Variants in ZNF560 observed in about 807,000 individuals in gnomAD.
ZNF560 encodes zinc finger protein 560.
In ZNF560, 54 loss-of-function variants were observed where a neutral mutation model predicts 81.8. The ratio of observed to expected loss-of-function variants is 0.66; its 90% CI spans 0.53 to 0.83. The LOEUF is 0.83. Among genes scored for constraint, ZNF560 ranks in the 40% least tolerant of loss-of-function variants. ZNF560 has a pLI of 0.00. For synonymous variants in ZNF560, 321 were observed against 317.9 expected (o/e 1.01, Z -0.10); for missense variants, 940 against 932.4 (o/e 1.01, Z -0.11).
downstream of ZNF560, among the ~76,000 whole-genome samples, chr19:9,466,076 T>G (rs1599644702): frequency 2.6e-5 from 4 of 152,250 alleles, no homozygotes; most frequent in South Asian, 8.3e-4. Context: ...CCAGGTGCAG[T>G]GGCACACACC....
At chr19:9,483,117 G>A (rs1261655982) in intron 2 of ZNF560, among the ~76,000 whole-genome samples, 5 of 151,856 alleles carry the variant, frequency 3.3e-5, no homozygotes, top group South Asian at 4.2e-4. Flanking sequence ...TCTCTGCCTG[G>A]CCACCCATCG....
chr19:9,450,047 C>T, the ZNF560 span, among the ~76,000 whole-genome samples: 1 of 149,632 alleles, frequency 6.7e-6, no homozygotes, highest in East Asian at 2.0e-4. Context: ...AATCCCAGCA[C>T]TTTGGGACAC....
intron 8 of ZNF560, among the ~76,000 whole-genome samples, 159 bp downstream of exon 8, chr19:9,469,471 A>G (rs2073088519): frequency 6.6e-6 from 1 of 152,262 alleles, no homozygotes; most frequent in African/African-American, 2.4e-5. Flanking sequence ...AAGTCTGGAT[A>G]GATGCAAAGC....
At chr19:9,448,874 G>A in the ZNF560 span, among the ~76,000 whole-genome samples, 3 of 152,068 alleles carry the variant, frequency 2.0e-5, no homozygotes, top group Admixed American at 6.6e-5. Context: ...AAAAGAGCAC[G>A]GATCATTATT....
At chr19:9,465,129 A>ATTTTTTTTTTT (rs887659069), downstream of ZNF560, among the ~76,000 whole-genome samples, 1 of 129,526 alleles carries the variant, frequency 7.7e-6, no homozygotes. Context: ...AAAGCTATTG[A>ATTTTTTTTTTT]TTTTTTTTTT....
At chr19:9,448,149 A>T in the ZNF560 span, among the ~76,000 whole-genome samples, 1 of 152,184 alleles carries the variant, frequency 6.6e-6, no homozygotes, top group African/African-American at 2.4e-5. Context: ...TCTAGAGACA[A>T]GCAATCACTA....
upstream of ZNF560, among the ~76,000 whole-genome samples, chr19:9,499,853 C>A (rs2073617058): frequency 6.6e-6 from 1 of 152,130 alleles, no homozygotes; most frequent in African/African-American, 2.4e-5. Context: ...AAAGGGATCA[C>A]ATTCTCAGTT....
At chr19:9,448,396 T>C in the ZNF560 span, among the ~76,000 whole-genome samples, 1 of 18,566 alleles carries the variant, frequency 5.4e-5, no homozygotes, top group Admixed American at 4.3e-4. Flanking sequence ...CATGCCTGGC[T>C]TTTTTTTTTT....
chr19:9,486,502 G>A (rs1351789069), intron 2 of ZNF560, among the ~76,000 whole-genome samples: 1 of 152,186 alleles, frequency 6.6e-6, no homozygotes, highest in Non-Finnish European at 1.5e-5. Flanking sequence ...CACTTTTGGA[G>A]GCTGAGGCAG....
intron 2 of ZNF560, among the ~76,000 whole-genome samples, chr19:9,477,182 C>CAT (rs1342588410): frequency 1.3e-5 from 2 of 152,040 alleles, no homozygotes; most frequent in Admixed American, 6.6e-5. Context: ...TTAGACATTA[C>CAT]ATATATATAC....
chr19:9,473,350 G>A (rs777145053), intron 4 of ZNF560, 91 bp from the exon 5 acceptor site: 26 of 904,562 alleles, frequency 2.9e-5, no homozygotes, highest in Non-Finnish European at 4.0e-5. Context: ...GGAGGCTGAA[G>A]TGGGTGGATT....
intron 2 of ZNF560, among the ~76,000 whole-genome samples, chr19:9,479,915 C>T (rs1398451845): frequency 6.6e-6 from 1 of 152,028 alleles, no homozygotes; most frequent in East Asian, 1.9e-4. Context: ...AAACAAATCC[C>T]CCACAGATTC....
rs2073054321 is a variant in ZNF560, at chr19:9,467,848, T to C, written c.1099A>G (p.Met367Val). The C allele has an allele frequency of 3.1e-6, 5 of 1,614,084 alleles. No homozygotes were observed. The highest frequency in any genetic ancestry group is 1.7e-5 in the Admixed American group (1 of 60,006). The change falls in exon 10 of 10, where the codon ATG becomes GTG. Residue 367 changes from methionine to valine, a missense_variant. By Grantham distance (21) the Met-to-Val change is conservative (BLOSUM62 1). Transcript: ENST00000301480. ...GGTTTTATCCCAATGTGGGTTTGCA[T>C]GTGATTATTAAGGTGGGTAGGGTAT... ...FRYPTHLNNHMQTHIGIKPYK... is the reference protein window; with the variant it reads ...FRYPTHLNNHVQTHIGIKPYK...
chr19:9,493,990 G>A (rs1203588484), intron 2 of ZNF560, among the ~76,000 whole-genome samples: 2 of 151,674 alleles, frequency 1.3e-5, no homozygotes, highest in African/African-American at 4.8e-5. Flanking sequence ...AAAATTAGCT[G>A]GGCGTGGTGG....
chr19:9,458,352 C>T, the ZNF560 span, among the ~76,000 whole-genome samples: 9 of 152,212 alleles, frequency 5.9e-5, no homozygotes, highest in East Asian at 1.5e-3. Flanking sequence ...AGAATGTCTT[C>T]GCAGATGGGT....
chr19:9,453,197 A>G, the ZNF560 span, among the ~76,000 whole-genome samples: 1 of 152,208 alleles, frequency 6.6e-6, no homozygotes. Flanking sequence ...AGAGATAATG[A>G]GAAAGCAGCA....
At chr19:9,489,216 C>T (rs1280476886) in intron 2 of ZNF560, among the ~76,000 whole-genome samples, 1 of 152,268 alleles carries the variant, frequency 6.6e-6, no homozygotes, top group Non-Finnish European at 1.5e-5. Context: ...AGTGGCTCGA[C>T]AGAGGTGCTC....
In ZNF560 at chr19:9,471,358, T is replaced by A; in HGVS notation, c.259A>T (p.Thr87Ser). Residue 87 changes from threonine (T) to serine (S), a missense_variant, in exon 6 of 10, where the codon ACC becomes TCC. Coordinates refer to ENST00000301480, the MANE Select transcript of ZNF560 (RefSeq NM_152476.3). ...TCCTGCTGCAGTGCTGAAACACTGG[T>A]TTGATGTTTTATTGCCCAGTCTGAA... ...VLQDWAIKHQTSVSALQQEFW... is the reference protein window; with the variant it reads ...VLQDWAIKHQSSVSALQQEFW... The A allele has an allele frequency of 6.3e-7, 1 of 1,591,752 alleles. No individual in the cohort carries two copies. Among genetic ancestry groups the A allele is most frequent in the Non-Finnish European group, 8.5e-7 (1 of 1,170,898 alleles).
chr19:9,502,501 C>T (rs1380598513), upstream of ZNF560, among the ~76,000 whole-genome samples: 1 of 152,158 alleles, frequency 6.6e-6, no homozygotes, highest in African/African-American at 2.4e-5. Flanking sequence ...TGAGCCACAA[C>T]ACCCGGCCTC....
Sources: allele counts gnomAD v4.1 joint callset (sites outside exome capture counted in the v4.1 genomes callset), GRCh38; gene constraint gnomAD v4.1.1; transcripts MANE v1.5; gene names NCBI Gene and HGNC (gene_info 2026-07-23, HGNC 2026-07-21).